The following PRR22 variants were observed in gnomAD, a reference collection of about 807,000 sequenced individuals.
The protein encoded by PRR22 is proline rich 22.
In PRR22, 5 loss-of-function variants were observed where a neutral mutation model predicts 7.2. The observed-to-expected ratio is 0.69, with a 90% CI of 0.36 to 1.45. The LOEUF is 1.45. Ranked by LOEUF, PRR22 falls within the 40% of genes most tolerant of loss-of-function variation. PRR22 has a pLI of 0.03. For missense variants in PRR22, 619 were observed against 568.8 expected, an observed-to-expected ratio of 1.09 and a Z score of -0.90; for synonymous variants, 319 against 269.3, an observed-to-expected ratio of 1.18 and a Z score of -1.81.
In PRR22 at chr19:5,783,864, G is replaced by A. The variant is rs762478514; in HGVS notation, c.383C>T (p.Pro128Leu). 5.7e-6 allele frequency: 9 copies of A among 1,566,486 alleles called. No individual in the cohort carries two copies. The South Asian group carries it at 1.0e-4, about 18-fold the overall frequency. Residue 128 changes from proline (P) to leucine (L), a missense_variant, in exon 3 of 3, where the codon CCT becomes CTT. By Grantham distance (98) the Pro-to-Leu change is moderately conservative (BLOSUM62 -3). Transcript: ENST00000419421. Reference sequence around the variant, plus strand: ...TGCCTGCTGGTAGTGGGGGTATGGAGGCAGCCCCGGGGCCTTGAGGTAGGG... The same window carrying A: ...TGCCTGCTGGTAGTGGGGGTATGGAAGCAGCCCCGGGGCCTTGAGGTAGGG... ...PQPYLKAPGL[P>L]PYPHYQQAPG...
chr19:5,783,081 G>T lies in PRR22; in HGVS notation c.1166C>A (p.Thr389Lys), dbSNP rs759133214. 1.2e-6 allele frequency: 2 copies of T among 1,605,220 alleles called. No individual in the cohort carries two copies. The highest frequency in any genetic ancestry group is 1.7e-4 in the Middle Eastern group (1 of 5,974). ...PILSGKRKAS[T>K]AKKGKPGRKA... Reference sequence around the variant, plus strand: ...CCTTCCCGGCTTTCCCTTCTTGGCCGTCGAGGCCTTTCTCTTGCCAGACAG... The same window carrying T: ...CCTTCCCGGCTTTCCCTTCTTGGCCTTCGAGGCCTTTCTCTTGCCAGACAG... Residue 389 changes from threonine (T) to lysine (K), a missense_variant, in exon 3 of 3, where the codon ACG becomes AAG. Physicochemically the swap from Thr to Lys is moderately conservative, Grantham distance 78. Transcript: ENST00000419421.
rs774634730 is a variant in PRR22 at position 5,783,592 on chromosome 19, C to T, written c.655G>A (p.Gly219Ser). 2.2e-5 allele frequency: 36 copies of T among 1,603,854 alleles called. No homozygotes were observed. The highest frequency in any genetic ancestry group is 1.6e-4 in the African/African-American group (12 of 73,402). The change falls in exon 3 of 3, where the codon GGC becomes AGC. Residue 219 changes from glycine to serine, a missense_variant. Coordinates refer to ENST00000419421, the MANE Select transcript of PRR22 (RefSeq NM_001134316.2). ...AGGGGTTCGGGCCCAGGGAAGTGGC[C>T]GAGGTGACCCTGGAGGTGGCTGTAG... ...DAYSHLQGHL[G>S]HFPGPEPLAF...
In PRR22 at chr19:5,783,531, G is replaced by A. The variant is rs562242210; in HGVS notation, c.716C>T (p.Ala239Val). The A allele has an allele frequency of 6.2e-5, 100 of 1,602,808 alleles. No individual in the cohort carries two copies. In the East Asian group the frequency reaches 2.1e-3, roughly 34 times the overall value. The change falls in exon 3 of 3, where the codon GCC becomes GTC. Residue 239 changes from alanine (A) to valine (V), a missense_variant. Transcript: ENST00000419421. ...FPVKELQGSG[A>V]RPGVPLYPPG... ...TGGGTACAGGGGCACCCCAGGTCGG[G>A]CCCCACTGCCCTGCAGCTCCTTGAC...
intron 2 of PRR22, 144 bp downstream of exon 2, chr19:5,784,233 G>C (rs59904063): frequency 5.6e-6 from 6 of 1,070,160 alleles, no homozygotes; most frequent in Non-Finnish European, 8.7e-6. Context: ...CTTGTCTTTG[G>C]GGCTCATCTG....
In PRR22 at chr19:5,784,065, A is replaced by G. The variant is rs1478295607; in HGVS notation, c.194-12T>C. On this transcript the variant is annotated splice_polypyrimidine_tract_variant and intron_variant, in intron 2 of 2. Transcript: ENST00000419421. ...GGCCATCTGGAAACCTGTGGGCGGCAGGCGGGTGCCCTGAGAGCAGCTGCT... is the reference window on the plus strand; with the variant it reads ...GGCCATCTGGAAACCTGTGGGCGGCGGGCGGGTGCCCTGAGAGCAGCTGCT... The G allele has an allele frequency of 6.2e-7, 1 of 1,610,278 alleles. No individual in the cohort carries two copies. Among genetic ancestry groups the G allele is most frequent in the Non-Finnish European group, 8.5e-7 (1 of 1,177,938 alleles).
At position 5,783,895 on chromosome 19, in the gene PRR22, G is replaced by A; in HGVS notation, c.352C>T (p.Pro118Ser). The change falls in exon 3 of 3, where the codon CCT becomes TCT. Residue 118 changes from proline to serine, a missense_variant. Pro to Ser is a moderately conservative substitution (Grantham distance 74, BLOSUM62 -1). Coordinates refer to ENST00000419421, the MANE Select transcript of PRR22 (RefSeq NM_001134316.2). ...CCCGGGGCCTTGAGGTAGGGCTGAG[G>A]CTCCAGGAGGTAGCTGCCTGGGGCG... Reference protein sequence around the residue: ...PSAPGSYLLEPQPYLKAPGLP... With the variant: ...PSAPGSYLLESQPYLKAPGLP... 1 of 1,573,136 alleles carries A rather than the reference G, an allele frequency of 6.4e-7. No homozygotes were observed. The highest frequency in any genetic ancestry group is 8.6e-7 in the Non-Finnish European group (1 of 1,160,734).
chr19:5,783,238 A>ACAG lies in PRR22; in HGVS notation c.1006_1008dup (p.Leu336dup). 1 of 1,612,788 alleles carries ACAG rather than the reference A, an allele frequency of 6.2e-7. No individual in the cohort carries two copies. Among genetic ancestry groups the ACAG allele is most frequent in the Non-Finnish European group, 8.5e-7 (1 of 1,179,982 alleles). Reference sequence around the variant, plus strand: ...ATCTCAGGCACGCTGTAGTCAAAGGACAGCAGCTCCTCGGGCAGGCACAGC... The same window carrying ACAG: ...ATCTCAGGCACGCTGTAGTCAAAGGACAGCAGCAGCTCCTCGGGCAGGCACAGC... On this transcript the variant is annotated inframe_insertion, in exon 3 of 3. Transcript: ENST00000419421.
Position 5,783,963 on chromosome 19 carries a change from T to C in PRR22, c.284A>G (p.Tyr95Cys), listed in dbSNP as rs1246680626. ...TTPDLGQSAL[Y>C]KLAASSGGPA... ...CCCCCCGCTGCTTGCTGCCAGCTTA[T>C]ACAGGGCTGACTGGCCCAGGTCGGG... is the stretch of plus-strand genomic sequence containing the variant. The change falls in exon 3 of 3, where the codon TAT (tyrosine) becomes TGT (cysteine). Residue 95 changes from tyrosine to cysteine, a missense_variant. Coordinates refer to ENST00000419421, the MANE Select transcript of PRR22 (RefSeq NM_001134316.2). 6.2e-7 allele frequency: 1 copy of C among 1,605,050 alleles called. No homozygotes were observed. The highest frequency in any genetic ancestry group is 1.7e-5 in the Admixed American group (1 of 57,970).
At position 5,783,398 on chromosome 19, in the gene PRR22, C is replaced by T; in HGVS notation, c.849G>A (p.Lys283=). The T allele has an allele frequency of 5.0e-6, 8 of 1,612,658 alleles. No homozygotes were observed. Among genetic ancestry groups the T allele is most frequent in the Non-Finnish European group, 5.9e-6 (7 of 1,179,948 alleles). The change falls in exon 3 of 3, where the codon AAG becomes AAA. Residue 283 remains lysine (K), a synonymous_variant. Coordinates refer to ENST00000419421, the MANE Select transcript of PRR22 (RefSeq NM_001134316.2). ...GCTTCATGGCGTCCTCCAGCAGAAC[C>T]TTGTCAGGCAGTGCCAAAGCTCTGG... ...KTARALALPD[K]VLLEDAMKLF... is the part of the protein sequence containing the mutation.
intron 2 of PRR22, 155 bp from the exon 3 acceptor site, chr19:5,784,208 A>G (rs748850467): frequency 9.4e-7 from 1 of 1,066,828 alleles, no homozygotes; most frequent in Non-Finnish European, 1.5e-6. Flanking sequence ...TGGCTGGGTG[A>G]TGGATGACAC....
rs200309748 is a variant in PRR22, at chr19:5,783,835, C to T, written c.412G>A (p.Gly138Arg). The change falls in exon 3 of 3, where the codon GGG becomes AGG. Residue 138 changes from glycine to arginine, a missense_variant. By Grantham distance (125) the Gly-to-Arg change is moderately radical (BLOSUM62 -2). Transcript: ENST00000419421. ...TAGGGCAAGAGAAACTGGGGCCCCC[C>T]GGGTGCCTGCTGGTAGTGGGGGTAT... ...PPYPHYQQAP[G>R]GPQFLLPYFP... 1.5e-4 allele frequency: 226 copies of T among 1,543,322 alleles called. 1 individual carries two copies. The East Asian group carries it at 2.0e-3, about 14-fold the overall frequency.
In PRR22 at chr19:5,784,312, G is replaced by A. The variant is rs753470455; in HGVS notation, c.193+65C>T. On this transcript the variant is annotated intron_variant, in intron 2 of 2. Coordinates refer to ENST00000419421, the MANE Select transcript of PRR22 (RefSeq NM_001134316.2). ...GCTCCCACTTAGGGACGGGGCAGGG[G>A]CAAGATGGGCCTGCACACTCAAACC... 5.8e-6 allele frequency: 9 copies of A among 1,540,318 alleles called. No individual in the cohort carries two copies. The East Asian group carries it at 1.4e-4, about 23-fold the overall frequency.
Position 5,783,493 on chromosome 19 carries a change from C to T in PRR22, c.754G>A (p.Glu252Lys), listed in dbSNP as rs376782034. 1.4e-5 allele frequency: 23 copies of T among 1,601,936 alleles called. No homozygotes were observed. The highest frequency in any genetic ancestry group is 2.2e-5 in the South Asian group (2 of 89,854). Residue 252 changes from glutamate (E) to lysine (K), a missense_variant, in exon 3 of 3, where the codon GAG becomes AAG. Transcript: ENST00000419421. Reference sequence around the variant, plus strand: ...TCCTTGACCTCGGCCACCTTGAGCTCGCTGAGGCCCGGTGGGTACAGGGGC... The same window carrying T: ...TCCTTGACCTCGGCCACCTTGAGCTTGCTGAGGCCCGGTGGGTACAGGGGC... ...GVPLYPPGLS[E>K]LKVAEVKEGA...
chr19:5,784,640 G>T lies in PRR22; in HGVS notation c.21C>A (p.Phe7Leu). The change falls in exon 1 of 3, where the codon TTC (phenylalanine) becomes TTA (leucine). Residue 7 changes from phenylalanine (F) to leucine (L), a missense_variant. Physicochemically the swap from Phe to Leu is conservative, Grantham distance 22 (BLOSUM62 0). Coordinates refer to ENST00000419421, the MANE Select transcript of PRR22 (RefSeq NM_001134316.2). MQHPKP[F>L]CAPAAPQEGF... ...CTTCCTGGGGAGCTGCAGGGGCACA[G>T]AACGGTTTGGGGTGCTGCATGGGGC... 6.5e-7 allele frequency: 1 copy of T among 1,535,112 alleles called. No individual in the cohort carries two copies.
chr19:5,783,462 G>A lies in PRR22; in HGVS notation c.785C>T (p.Ala262Val). The part of the protein sequence containing the change: ...ELKVAEVKEG[A>V]LLGAGKAKAP... ...CTTGGCCTTGCCTGCTCCCAGCAGG[G>A]CCCCCTCCTTGACCTCGGCCACCTT... is the stretch of plus-strand genomic sequence containing the variant. Residue 262 changes from alanine to valine, a missense_variant, in exon 3 of 3, where the codon GCC (alanine) becomes GTC (valine). Coordinates refer to ENST00000419421, the MANE Select transcript of PRR22 (RefSeq NM_001134316.2). 1 of 1,608,650 alleles carries A rather than the reference G, an allele frequency of 6.2e-7. No individual in the cohort carries two copies. Among genetic ancestry groups the A allele is most frequent in the South Asian group, 1.1e-5 (1 of 90,658 alleles).
In PRR22 at chr19:5,784,678, G is replaced by A. The variant is rs1347793075; in HGVS notation, c.-18C>T. The A allele has an allele frequency of 1.8e-5, 27 of 1,532,254 alleles. No homozygotes were observed. The highest frequency in any genetic ancestry group is 1.5e-4 in the East Asian group (6 of 40,926). The allele number at this position is 1,532,254 out of a possible 1,614,324, so 94.9% of individuals were successfully genotyped here. ...TGCTGCATGGGGCAGCGGGGGGCCC[G>A]GTCCAGACAGGCCAGGAGGGCGGCA... On this transcript the variant is annotated 5_prime_UTR_variant, in exon 1 of 3. Transcript: ENST00000419421.
At position 5,784,151 on chromosome 19, in the gene PRR22, AT is replaced by A. The variant is rs755063572; in HGVS notation, c.194-99del. The A allele has an allele frequency of 2.0e-5, 25 of 1,246,680 alleles. No individual in the cohort carries two copies. In the South Asian group the frequency reaches 2.2e-4, roughly 11 times the overall value. The allele number at this position is 1,246,680 out of a possible 1,614,324, so 77.2% of individuals were successfully genotyped here. A position where few individuals can be genotyped will look rare whatever the true frequency, so the allele number is the denominator to read the frequency against. On this transcript the variant is annotated intron_variant, in intron 2 of 2. Transcript: ENST00000419421. The stretch of plus-strand genomic sequence containing the variant: ...TGGGAGATGCCACAAGAACCTTGCC[AT>A]TGGGGGGCCCCTTTGGGGGACGACA...
chr19:5,783,405 G>A lies in PRR22; in HGVS notation c.842C>T (p.Pro281Leu). 1 of 1,612,556 alleles carries A rather than the reference G, an allele frequency of 6.2e-7. No homozygotes were observed. Among genetic ancestry groups the A allele is most frequent in the Non-Finnish European group, 8.5e-7 (1 of 1,179,914 alleles). The change falls in exon 3 of 3, where the codon CCT becomes CTT. Residue 281 changes from proline to leucine, a missense_variant. Physicochemically the swap from Pro to Leu is moderately conservative, Grantham distance 98. Transcript: ENST00000419421. ...APKTARALAL[P>L]DKVLLEDAMK... ...GGCGTCCTCCAGCAGAACCTTGTCA[G>A]GCAGTGCCAAAGCTCTGGCCGTCTT...
Position 5,784,377 on chromosome 19 carries a change from C to T in PRR22, c.193G>A (p.Gly65Ser), listed in dbSNP as rs186017590. Residue 65 changes from glycine (G) to serine (S), a missense_variant and splice_region_variant, in exon 2 of 3, where the codon GGT becomes AGT. Coordinates refer to ENST00000419421, the MANE Select transcript of PRR22 (RefSeq NM_001134316.2). Reference sequence around the variant, plus strand: ...TCAAGGGCTCAGGGGAGGCCGGTACCTGCTGGTGGGGCTGGAAACACCTCT... The same window carrying T: ...TCAAGGGCTCAGGGGAGGCCGGTACTTGCTGGTGGGGCTGGAAACACCTCT... ...EKEVFPAPPA[G>S]FQMAPCGCFF... 2.1e-4 allele frequency: 330 copies of T among 1,608,688 alleles called. 2 individuals are homozygous for T. In the African/African-American group the frequency reaches 4.0e-3, roughly 20 times the overall value.
Sources: allele counts gnomAD v4.1 joint callset, GRCh38; gene constraint gnomAD v4.1.1; transcripts MANE v1.5; gene names NCBI Gene and HGNC (gene_info 2026-07-23, HGNC 2026-07-21).